Variants in NBEA observed in about 807,000 individuals in gnomAD.
NBEA encodes the protein neurobeachin.
NBEA carries 44 observed loss-of-function variants against 343.4 expected under a neutral mutation model. The observed-to-expected ratio is 0.13, with a 90% CI of 0.10 to 0.16. The LOEUF (loss-of-function observed/expected upper bound fraction) is 0.16. Ranked by LOEUF, NBEA falls within the 10% of genes least tolerant of loss-of-function variation. The probability of loss-of-function intolerance (pLI) is 1.00; values close to 1 mark genes in which losing one functional copy is unlikely to be tolerated. For missense variants in NBEA, 2,555 were observed against 3,631.3 expected (o/e 0.70, Z 7.62); for synonymous variants, 1,175 against 1,238.7 (o/e 0.95, Z 1.08).
chr13:35,077,323 C>CATT (rs1030526597), intron 10 of NBEA, among the ~76,000 whole-genome samples: 1 of 152,058 alleles, frequency 6.6e-6, no homozygotes, highest in African/African-American at 2.4e-5. Flanking sequence ...GAAAGTATCT[C>CATT]AAACTTAACA....
chr13:35,413,625 T>TA (rs1209636788), intron 38 of NBEA, among the ~76,000 whole-genome samples: 2 of 152,064 alleles, frequency 1.3e-5, no homozygotes, highest in Non-Finnish European at 2.9e-5. Context: ...CCTATTTATC[T>TA]AAAAATAACA....
At chr13:35,045,602 C>T (rs190402317) in intron 4 of NBEA, among the ~76,000 whole-genome samples, 6 of 152,222 alleles carry the variant, frequency 3.9e-5, no homozygotes, top group Admixed American at 3.9e-4. Flanking sequence ...GAAGATATTC[C>T]CCTCTACCCA....
chr13:35,281,194 T>A (rs1252109016), intron 34 of NBEA, among the ~76,000 whole-genome samples: 2 of 152,130 alleles, frequency 1.3e-5, no homozygotes, highest in Admixed American at 1.3e-4. Context: ...TGAATCATGA[T>A]TATAATAGTT....
intron 31 of NBEA, among the ~76,000 whole-genome samples, chr13:35,208,369 A>C (rs2152750611): frequency 6.6e-6 from 1 of 152,312 alleles, no homozygotes; most frequent in South Asian, 2.1e-4. Flanking sequence ...CAAAAATTCT[A>C]TGTGCAAAGG....
At position 35,208,752 on chromosome 13, in the gene NBEA, A is replaced by G; in HGVS notation, c.5419A>G (p.Thr1807Ala). ...ACCTCCAGGTAGTTTAGCTGTAACC[A>G]CTGTGGGAGCCACTACTGCTGGAAG... ...KPPPGSLAVT[T>A]VGATTAGSGL... The change falls in exon 32 of 59, where the codon ACT becomes GCT. Residue 1807 changes from threonine to alanine, a missense_variant. Physicochemically the swap from Thr to Ala is moderately conservative, Grantham distance 58. This residue lies in a region of NBEA where 270 missense variants were observed against 293.3 expected (regional missense o/e 0.92). Coordinates refer to ENST00000379939, the MANE Select transcript of NBEA (RefSeq NM_001385012.1). 6.8e-6 allele frequency: 11 copies of G among 1,611,856 alleles called. No homozygotes were observed. The highest frequency in any genetic ancestry group is 8.5e-6 in the Non-Finnish European group (10 of 1,178,706).
At chr13:34,972,017 A>C (rs1042690560) in intron 1 of NBEA, among the ~76,000 whole-genome samples, 3 of 151,222 alleles carry the variant, frequency 2.0e-5, no homozygotes, top group Admixed American at 6.6e-5. Context: ...CAATTTCAGA[A>C]CTCATTATTG....
At chr13:35,425,362 G>A (rs1365249212) in intron 38 of NBEA, among the ~76,000 whole-genome samples, 1 of 152,116 alleles carries the variant, frequency 6.6e-6, no homozygotes, top group African/African-American at 2.4e-5. Context: ...GTTCTCATTG[G>A]TTTCAAAGAA....
intron 34 of NBEA, among the ~76,000 whole-genome samples, chr13:35,254,350 G>T: frequency 6.8e-6 from 1 of 146,910 alleles, no homozygotes; most frequent in Admixed American, 6.8e-5. Flanking sequence ...TTTGAGACAG[G>T]GTCTTACTCT....
chr13:34,964,300 C>T (rs1001505991), intron 1 of NBEA, among the ~76,000 whole-genome samples: 1 of 151,960 alleles, frequency 6.6e-6, no homozygotes, highest in African/African-American at 2.4e-5. Flanking sequence ...CCTCAAGAAT[C>T]TGTTTGCTTA....
intron 30 of NBEA, among the ~76,000 whole-genome samples, chr13:35,192,842 C>T (rs1379919410): frequency 6.6e-6 from 1 of 151,880 alleles, no homozygotes; most frequent in African/African-American, 2.4e-5. Flanking sequence ...TGCTTATATT[C>T]CAGTCTAATA....
chr13:34,951,472 A>G (rs73488147), intron 1 of NBEA, among the ~76,000 whole-genome samples: 2,341 of 152,282 alleles, frequency 0.015, 64 homozygotes, highest in African/African-American at 0.053. Flanking sequence ...TCACCTGACC[A>G]TAGAAAGAAG....
intron 46 of NBEA, among the ~76,000 whole-genome samples, chr13:35,591,947 G>A (rs2153042993): frequency 6.6e-6 from 1 of 152,134 alleles, no homozygotes; most frequent in East Asian, 1.9e-4. Flanking sequence ...GAGAAGAATT[G>A]AAGCAGGGAA....
chr13:35,527,519 G>C (rs909826573), intron 41 of NBEA, among the ~76,000 whole-genome samples: 3 of 152,188 alleles, frequency 2.0e-5, no homozygotes, highest in African/African-American at 7.2e-5. Context: ...CCTCCCTCCT[G>C]AGCTCCTGGG....
At chr13:35,632,043 T>G (rs1382328422) in intron 49 of NBEA, among the ~76,000 whole-genome samples, 1 of 152,316 alleles carries the variant, frequency 6.6e-6, no homozygotes, top group Admixed American at 6.5e-5. Flanking sequence ...GGATAGTAGA[T>G]ATTATTTAAA....
intron 34 of NBEA, among the ~76,000 whole-genome samples, chr13:35,281,108 C>G (rs1461125564): frequency 6.6e-6 from 1 of 151,968 alleles, no homozygotes; most frequent in African/African-American, 2.4e-5. Flanking sequence ...GCAAAATAAT[C>G]TTGTTAATTC....
At chr13:34,994,015 T>A (rs1185428985) in intron 1 of NBEA, among the ~76,000 whole-genome samples, 2 of 151,716 alleles carry the variant, frequency 1.3e-5, no homozygotes, top group African/African-American at 4.8e-5. Flanking sequence ...CTAGCCAACA[T>A]GGTGAAACCC....
intron 2 of NBEA, among the ~76,000 whole-genome samples, chr13:35,044,642 GTGTT>G (rs998435383): frequency 1.3e-5 from 2 of 149,000 alleles, no homozygotes; most frequent in African/African-American, 4.9e-5. Context: ...GTGTGTGTGT[GTGTT>G]CTGGGAATAT....
At chr13:35,037,562 C>T (rs1246868431) in intron 1 of NBEA, among the ~76,000 whole-genome samples, 2 of 152,046 alleles carry the variant, frequency 1.3e-5, no homozygotes, top group Non-Finnish European at 2.9e-5. Context: ...TTTCCAGTGA[C>T]ACTGTGATTC....
intron 11 of NBEA, among the ~76,000 whole-genome samples, chr13:35,107,217 T>C (rs2065962306): frequency 6.6e-6 from 1 of 151,974 alleles, no homozygotes; most frequent in African/African-American, 2.4e-5. Context: ...TTTTCATTGA[T>C]ATTCCTTTAA....
Sources: allele counts gnomAD v4.1 joint callset (sites outside exome capture counted in the v4.1 genomes callset), GRCh38; gene constraint gnomAD v4.1.1; regional missense constraint gnomAD v4.1.1; transcripts MANE v1.5; gene names NCBI Gene and HGNC (gene_info 2026-07-23, HGNC 2026-07-21).